The following CEP112 variants were observed in gnomAD, a reference collection of about 807,000 sequenced individuals.
CEP112 encodes centrosomal protein of 112 kDa.
Under a neutral mutation model 153.0 loss-of-function variants are expected in CEP112, and 127 were observed. The observed-to-expected ratio is 0.83, with a 90% CI of 0.72 to 0.96. CEP112 has a LOEUF of 0.96. CEP112 is among the 40% of genes least tolerant of loss of function. The pLI, the probability that CEP112 is intolerant of heterozygous loss-of-function variation, is 0.00. For synonymous variants in CEP112, 358 were observed against 374.4 expected, an observed-to-expected ratio of 0.96 and a Z score of 0.51; for missense variants, 1,089 against 1,101.2, an observed-to-expected ratio of 0.99 and a Z score of 0.16.
intron 21 of CEP112, among the ~76,000 whole-genome samples, chr17:65,839,542 C>G (rs920207804): frequency 6.6e-6 from 1 of 150,418 alleles, no homozygotes; most frequent in Non-Finnish European, 1.5e-5. Context: ...CCATATATGA[C>G]AAACCCAGAG....
intron 23 of CEP112, among the ~76,000 whole-genome samples, chr17:65,716,218 G>A (rs868409334): frequency 6.6e-6 from 1 of 151,824 alleles, no homozygotes. Context: ...GTACAGTGGC[G>A]CAATCTCGGC....
At chr17:66,049,666 G>A (rs34489012) in intron 12 of CEP112, among the ~76,000 whole-genome samples, 86,609 of 152,138 alleles carry the variant, frequency 0.57, 25,818 homozygotes, top group African/African-American at 0.67. Flanking sequence ...CAGGAGAACC[G>A]ATTGAAGCCA....
intron 10 of CEP112, among the ~76,000 whole-genome samples, chr17:66,065,895 C>T (rs1243413449): frequency 6.6e-6 from 1 of 152,104 alleles, no homozygotes; most frequent in Non-Finnish European, 1.5e-5. Context: ...TCCCAAAGTG[C>T]TGGGATTACA....
At chr17:65,823,738 A>G (rs1254642802) in intron 21 of CEP112, among the ~76,000 whole-genome samples, 1 of 152,180 alleles carries the variant, frequency 6.6e-6, no homozygotes, top group African/African-American at 2.4e-5. Flanking sequence ...AAACAACTTG[A>G]GTCCAGAATA....
At chr17:66,090,896 TCAGATAACA>T (rs1255546428) in intron 8 of CEP112, among the ~76,000 whole-genome samples, 1 of 151,992 alleles carries the variant, frequency 6.6e-6, no homozygotes, top group Non-Finnish European at 1.5e-5. Flanking sequence ...TAGAAATACA[TCAGATAACA>T]CTGACTTAAA....
intron 6 of CEP112, among the ~76,000 whole-genome samples, chr17:66,120,668 CTTA>C (rs1351228583): frequency 1.3e-5 from 2 of 152,138 alleles, no homozygotes; most frequent in East Asian, 3.9e-4. Context: ...GCAGTAATCT[CTTA>C]TTATACTTTG....
At chr17:66,016,413 A>C (rs1016057972) in intron 16 of CEP112, among the ~76,000 whole-genome samples, 27 of 152,284 alleles carry the variant, frequency 1.8e-4, no homozygotes, top group African/African-American at 5.3e-4. Context: ...ACGTGTCTCT[A>C]AGTGTGATCT....
At chr17:65,735,575 A>G (rs930732715) in intron 23 of CEP112, among the ~76,000 whole-genome samples, 26 of 141,958 alleles carry the variant, frequency 1.8e-4, no homozygotes, top group African/African-American at 6.2e-4. Context: ...AACCTATCGT[A>G]AAGTTGAGAA....
intron 20 of CEP112, among the ~76,000 whole-genome samples, chr17:65,876,878 AATATT>A (rs2058847367): frequency 6.6e-6 from 1 of 151,908 alleles, no homozygotes; most frequent in Non-Finnish European, 1.5e-5. Context: ...TTCTTTTATG[AATATT>A]ATATCATTTT....
In CEP112 at chr17:65,712,180, T is replaced by G. The variant is rs367596314; in HGVS notation, c.2608-22962A>C. On this transcript the variant is annotated intron_variant, in intron 23 of 26. Transcript: ENST00000535342. ...TTACCACCACCCTCTGTTCATTTAA[T>G]GGATAGGTACTTGAATGCCCACTGT... 2.4e-3 allele frequency among the ~76,000 whole-genome samples: 373 copies of G among 152,264 alleles called. 1 individual carries two copies. Among genetic ancestry groups the G allele is most frequent in the Non-Finnish European group, 4.6e-3 (313 of 68,022 alleles).
intron 23 of CEP112, among the ~76,000 whole-genome samples, chr17:65,690,826 T>C (rs2048074333): frequency 6.6e-6 from 1 of 152,090 alleles, no homozygotes; most frequent in Non-Finnish European, 1.5e-5. Flanking sequence ...TCAGGTTACG[T>C]GGAGTCTTGC....
chr17:65,721,137 A>C (rs2049858887), intron 23 of CEP112, among the ~76,000 whole-genome samples: 1 of 151,674 alleles, frequency 6.6e-6, no homozygotes, highest in Admixed American at 6.6e-5. Flanking sequence ...TCAGCCTCCA[A>C]GTAGCTAAGA....
chr17:66,028,563 A>G (rs1286606930), intron 14 of CEP112, among the ~76,000 whole-genome samples, 158 bp from the exon 15 acceptor site: 1 of 151,942 alleles, frequency 6.6e-6, no homozygotes, highest in Non-Finnish European at 1.5e-5. Flanking sequence ...AAGATACTAG[A>G]AAAAATAATC....
chr17:65,812,204 C>A (rs1360718200), intron 21 of CEP112, among the ~76,000 whole-genome samples: 1 of 152,146 alleles, frequency 6.6e-6, no homozygotes, highest in Non-Finnish European at 1.5e-5. Flanking sequence ...AGGGTTTCAC[C>A]ATGTTAGCCA....
At chr17:65,815,562 G>A (rs569765387) in intron 21 of CEP112, among the ~76,000 whole-genome samples, 8 of 152,172 alleles carry the variant, frequency 5.3e-5, no homozygotes, top group African/African-American at 1.9e-4. Context: ...GTTTGGATGA[G>A]GACTGCACTT....
chr17:66,118,687 T>C (rs1247697266), intron 6 of CEP112, among the ~76,000 whole-genome samples: 2 of 152,184 alleles, frequency 1.3e-5, no homozygotes, highest in Non-Finnish European at 2.9e-5. Flanking sequence ...AATAACTTAC[T>C]GTATATTTTA....
chr17:66,005,739 C>G lies in CEP112; in HGVS notation c.1687G>C (p.Gly563Arg). ...AHDLQSELDK[G>R]KEDTQKKIHK... is the part of the protein sequence containing the mutation. ...ATTTTCTTTTGAGTATCTTCTTTTC[C>G]TTTATCAAGTTCACTCTGCAAGTCA... Residue 563 changes from glycine to arginine, a missense_variant, in exon 17 of 27, where the codon GGA becomes CGA. Transcript: ENST00000535342. The G allele has an allele frequency of 6.2e-7, 1 of 1,608,528 alleles. No homozygotes were observed. Among genetic ancestry groups the G allele is most frequent in the Non-Finnish European group, 8.5e-7 (1 of 1,178,326 alleles).
intron 17 of CEP112, among the ~76,000 whole-genome samples, chr17:65,965,518 C>CCT (rs1555734627): frequency 0.39 from 47,061 of 121,730 alleles, 9,449 homozygotes; most frequent in East Asian, 0.81. Flanking sequence ...CTTCTGCCCC[C>CCT]TTTTTTTTTT....
intron 24 of CEP112, among the ~76,000 whole-genome samples, chr17:65,668,736 A>G (rs1415091341): frequency 1.3e-5 from 2 of 152,234 alleles, no homozygotes; most frequent in South Asian, 2.1e-4. Flanking sequence ...GATGGTTTCT[A>G]TTCTCTCAAC....
Sources: gnomAD v4.1 joint callset for allele counts (sites outside exome capture counted in the v4.1 genomes callset) on GRCh38, gnomAD v4.1.1 for gene constraint, MANE v1.5 for transcripts, NCBI Gene and HGNC (gene_info 2026-07-23, HGNC 2026-07-21) for gene names.